The following ALDH1L2 variants were observed in gnomAD, a reference collection of about 807,000 sequenced individuals.
ALDH1L2 encodes the protein aldehyde dehydrogenase 1 family member L2.
In ALDH1L2, 91 loss-of-function variants were observed where a neutral mutation model predicts 111.0. That is an observed-to-expected ratio of 0.82 (90% CI 0.69 to 0.98). The LOEUF is 0.98. ALDH1L2 is among the 50% of genes least tolerant of loss of function. The pLI is 0.00. For synonymous variants in ALDH1L2, 374 were observed against 392.6 expected, an observed-to-expected ratio of 0.95 and a Z score of 0.56; for missense variants, 995 against 1,126.8, an observed-to-expected ratio of 0.88 and a Z score of 1.67.
rs756304290 is a variant in ALDH1L2 at position 105,026,566 on chromosome 12, A to C, written c.2695T>G (p.Ser899Ala). The C allele has an allele frequency of 3.7e-6, 6 of 1,614,106 alleles. No individual in the cohort carries two copies. Among genetic ancestry groups the C allele is most frequent in the Non-Finnish European group, 5.1e-6 (6 of 1,180,000 alleles). Residue 899 changes from serine to alanine, a missense_variant, in exon 22 of 23, where the codon TCT (serine) becomes GCT (alanine). Transcript: ENST00000258494. ...VAAPFGGVKQSGFGKDLGEEA... is the reference protein window; with the variant it reads ...VAAPFGGVKQAGFGKDLGEEA... ...ATACCTAAGTCTTTTCCAAAGCCAG[A>C]TTGTTTAACTCCGCCAAATGGGGCC...
intron 15 of ALDH1L2, among the ~76,000 whole-genome samples, chr12:105,041,086 T>G (rs1337368951): frequency 6.6e-6 from 1 of 152,234 alleles, no homozygotes; most frequent in Non-Finnish European, 1.5e-5. Flanking sequence ...ATAACCATAG[T>G]ACAATCATCA....
intron 4 of ALDH1L2, 149 bp from the exon 5 acceptor site, chr12:105,066,818 A>T (rs1052823741): frequency 1.5e-6 from 1 of 655,596 alleles, no homozygotes; most frequent in African/African-American, 1.8e-5. Flanking sequence ...CTTCAGGTCC[A>T]TCCTGACAAG....
At chr12:105,071,615 T>C (rs7974334) in intron 2 of ALDH1L2, among the ~76,000 whole-genome samples, 8 of 15,492 alleles carry the variant, frequency 5.2e-4, no homozygotes, top group Admixed American at 9.7e-4. Context: ...ATATAAGTAG[T>C]ATATATATAT....
At chr12:105,063,495 GAA>G (rs1877140281) in intron 6 of ALDH1L2, among the ~76,000 whole-genome samples, 1 of 151,212 alleles carries the variant, frequency 6.6e-6, no homozygotes. Context: ...AAAAAAGAAA[GAA>G]AGAAAGAAAT....
chr12:105,048,848 T>A (rs915139874), intron 13 of ALDH1L2, among the ~76,000 whole-genome samples: 1 of 151,940 alleles, frequency 6.6e-6, no homozygotes, highest in African/African-American at 2.4e-5. Flanking sequence ...CTGGCCAACA[T>A]GGTGAAACCC....
rs770213523 is a variant in ALDH1L2, at chr12:105,040,692, G to C, written c.1866C>G (p.Val622=). 3.7e-5 allele frequency: 60 copies of C among 1,613,882 alleles called. No homozygotes were observed. The highest frequency in any genetic ancestry group is 4.6e-5 in the Non-Finnish European group (54 of 1,179,944). ...CAAACTTCAAAGCAGTCAAGGGCGTGACCTGAGGAGAAGCAAACAGCAATT... is the reference window on the plus strand; with the variant it reads ...CAAACTTCAAAGCAGTCAAGGGCGTCACCTGAGGAGAAGCAAACAGCAATT... The part of the protein sequence containing the change: ...GNTLVLKPAQ[V]TPLTALKFAE... Residue 622 remains valine, a splice_region_variant and synonymous_variant, in exon 16 of 23, where the codon GTC becomes GTG. Transcript: ENST00000258494.
chr12:105,081,105 A>G (rs1211688908), intron 1 of ALDH1L2, among the ~76,000 whole-genome samples: 2 of 152,240 alleles, frequency 1.3e-5, no homozygotes, highest in African/African-American at 4.8e-5. Flanking sequence ...TGCACAGGTT[A>G]TATACAAATA....
At chr12:105,033,082 CTT>C (rs1350062480) in intron 19 of ALDH1L2, among the ~76,000 whole-genome samples, 1 of 152,184 alleles carries the variant, frequency 6.6e-6, no homozygotes, top group Non-Finnish European at 1.5e-5. Flanking sequence ...AGGTCCATGA[CTT>C]TGAATTTAGG....
intron 18 of ALDH1L2, 86 bp downstream of exon 18, chr12:105,038,017 T>A: frequency 9.2e-7 from 1 of 1,085,416 alleles, no homozygotes; most frequent in Non-Finnish European, 1.4e-6. Flanking sequence ...TCCACCCGTC[T>A]TGGCCTCCCA....
chr12:105,038,210 A>G lies in ALDH1L2; in HGVS notation c.2046-8T>C. The G allele has an allele frequency of 6.2e-7, 1 of 1,605,728 alleles. No homozygotes were observed. The highest frequency in any genetic ancestry group is 8.5e-7 in the Non-Finnish European group (1 of 1,173,884). ...AAGTTGCTAACAGCACAGCTAGAGG[A>G]AAACAAATGAGAAATGAGCATTTAG... On this transcript the variant is annotated splice_polypyrimidine_tract_variant and splice_region_variant and intron_variant, in intron 17 of 22. Coordinates refer to ENST00000258494, the MANE Select transcript of ALDH1L2 (RefSeq NM_001034173.4).
chr12:105,074,413 A>T (rs1003074863), intron 1 of ALDH1L2, among the ~76,000 whole-genome samples: 5 of 143,254 alleles, frequency 3.5e-5, no homozygotes, highest in African/African-American at 1.1e-4. Context: ...AGCCGAGATC[A>T]CACCACAGCA....
At chr12:105,084,097 C>T (rs1387619117) in intron 1 of ALDH1L2, among the ~76,000 whole-genome samples, 2 of 152,144 alleles carry the variant, frequency 1.3e-5, no homozygotes, top group African/African-American at 2.4e-5. Context: ...GTGACTGTTC[C>T]CACCTTGCCA....
At chr12:105,070,835 G>A (rs1249797040) in intron 2 of ALDH1L2, 31 bp from the exon 3 acceptor site, 2 of 1,538,330 alleles carry the variant, frequency 1.3e-6, no homozygotes, top group East Asian at 4.5e-5. Flanking sequence ...TTTTTTTTTA[G>A]AAGTTAGCCA....
In ALDH1L2 at chr12:105,030,341, A is replaced by T; in HGVS notation, c.2499T>A (p.Ile833=). 6.2e-7 allele frequency: 1 copy of T among 1,610,382 alleles called. No homozygotes were observed. The highest frequency in any genetic ancestry group is 8.5e-7 in the Non-Finnish European group (1 of 1,178,334). The change falls in exon 21 of 23, where the codon ATT becomes ATA. Residue 833 remains isoleucine (I), a synonymous_variant. Transcript: ENST00000258494. ...KEESFGPIMV[I]SKFQNGDIDG... ...GAACCTACCCATTTTGGAATTTAGA[A>T]ATGACCATAATAGGCCCAAAGGATT... is the stretch of plus-strand genomic sequence containing the variant.
Position 105,039,748 on chromosome 12 carries a change from A to G in ALDH1L2, c.2010T>C (p.Thr670=), listed in dbSNP as rs769892144. 6.2e-7 allele frequency: 1 copy of G among 1,614,104 alleles called. No homozygotes were observed. Among genetic ancestry groups the G allele is most frequent in the Non-Finnish European group, 8.5e-7 (1 of 1,179,970 alleles). The change falls in exon 17 of 23, where the codon ACT becomes ACC. Residue 670 remains threonine, a synonymous_variant. Coordinates refer to ENST00000258494, the MANE Select transcript of ALDH1L2 (RefSeq NM_001034173.4). ...TCTGTTTGCCAATAGGAGTGGATCC[A>G]GTGAAACCAAGTTTGCGGATGTCAG... ...EHPDIRKLGF[T]GSTPIGKQIM... is the part of the protein sequence containing the mutation.
rs115779085 is a variant in ALDH1L2 at position 105,022,764 on chromosome 12, A to G, written c.*1660T>C. On this transcript the variant is annotated 3_prime_UTR_variant, in exon 23 of 23. Coordinates refer to ENST00000258494, the MANE Select transcript of ALDH1L2 (RefSeq NM_001034173.4). Reference sequence around the variant, plus strand: ...TTATCATGCTGGGATCAAACCTCCTATTCTTCCTTTTGAAAATGTTCTCTG... The same window carrying G: ...TTATCATGCTGGGATCAAACCTCCTGTTCTTCCTTTTGAAAATGTTCTCTG... 2 of 152,034 alleles carry G rather than the reference A, an allele frequency of 1.3e-5. No homozygotes were observed. The highest frequency in any genetic ancestry group is 2.9e-5 in the Non-Finnish European group (2 of 68,000). 9.4% of individuals were successfully genotyped at this position (152,034 alleles called of 1,614,324 possible).
At position 105,058,220 on chromosome 12, in the gene ALDH1L2, C is replaced by A; in HGVS notation, c.1140G>T (p.Arg380Ser). 1 of 1,595,772 alleles carries A rather than the reference C, an allele frequency of 6.3e-7. No homozygotes were observed. The highest frequency in any genetic ancestry group is 2.2e-5 in the East Asian group (1 of 44,472). Residue 380 changes from arginine to serine, a missense_variant and splice_region_variant, in exon 10 of 23, where the codon AGG (arginine) becomes AGT (serine). By Grantham distance (110) the Arg-to-Ser change is moderately radical (BLOSUM62 -1). Transcript: ENST00000258494. ...KSGASSMDVARLVEEIRQKCG... is the reference protein window; with the variant it reads ...KSGASSMDVASLVEEIRQKCG... Reference sequence around the variant, plus strand: ...ATTTCTGTCTGATCTCTTCAACCAGCCTTAAAGTAAAAACCAGCTTCGCGT... The same window carrying A: ...ATTTCTGTCTGATCTCTTCAACCAGACTTAAAGTAAAAACCAGCTTCGCGT...
Position 105,040,696 on chromosome 12 carries a change from TGAG to T in ALDH1L2, c.1864-5_1864-3del, listed in dbSNP as rs1486573766. ...CTTCAAAGCAGTCAAGGGCGTGACC[TGAG>T]GAGAAGCAAACAGCAATTACCTTCT... On this transcript the variant is annotated splice_region_variant and splice_polypyrimidine_tract_variant and intron_variant, in intron 15 of 22. Coordinates refer to ENST00000258494, the MANE Select transcript of ALDH1L2 (RefSeq NM_001034173.4). 1 of 1,614,018 alleles carries T rather than the reference TGAG, an allele frequency of 6.2e-7. No individual in the cohort carries two copies. Among genetic ancestry groups the T allele is most frequent in the South Asian group, 1.1e-5 (1 of 91,082 alleles).
At chr12:105,080,743 A>G (rs1256472046) in intron 1 of ALDH1L2, among the ~76,000 whole-genome samples, 1 of 152,212 alleles carries the variant, frequency 6.6e-6, no homozygotes, top group Non-Finnish European at 1.5e-5. Context: ...AAATGCTGTA[A>G]TGATCATTAC....
Sources: gnomAD v4.1 joint callset for allele counts (sites outside exome capture counted in the v4.1 genomes callset) on GRCh38, gnomAD v4.1.1 for gene constraint, MANE v1.5 for transcripts, NCBI Gene and HGNC (gene_info 2026-07-23, HGNC 2026-07-21) for gene names.